COL5A2: variants seen among roughly 807,000 people sequenced by gnomAD.
COL5A2 encodes the protein collagen alpha-2(V) chain.
Under a neutral mutation model 208.2 loss-of-function variants are expected in COL5A2, and 23 were observed. The ratio of observed to expected loss-of-function variants is 0.11; its 90% CI spans 0.08 to 0.16. The LOEUF (loss-of-function observed/expected upper bound fraction) is 0.16, where lower values mean the gene tolerates loss of function less well. Ranked by LOEUF, COL5A2 falls within the 10% of genes least tolerant of loss-of-function variation. The pLI is 1.00. For missense variants in COL5A2, 1,590 were observed against 1,956.4 expected (o/e 0.81, Z 3.53); for synonymous variants, 625 against 628.5 (o/e 0.99, Z 0.08).
the COL5A2 span, among the ~76,000 whole-genome samples, chr2:189,326,405 G>C: frequency 1.3e-5 from 2 of 152,098 alleles, no homozygotes; most frequent in African/African-American, 4.8e-5. Context: ...AGACAAGAAG[G>C]TTATTTAGGT....
chr2:189,249,307 A>G, the COL5A2 span, among the ~76,000 whole-genome samples: 2 of 152,186 alleles, frequency 1.3e-5, no homozygotes, highest in Non-Finnish European at 2.9e-5. Flanking sequence ...ATTAATGAAA[A>G]GCTTAAATTC....
chr2:189,270,901 T>TTG, the COL5A2 span, among the ~76,000 whole-genome samples: 1 of 152,154 alleles, frequency 6.6e-6, no homozygotes. Flanking sequence ...GAACTCTCAT[T>TTG]CACAATTGCT....
At chr2:189,372,654 T>C in the COL5A2 span, among the ~76,000 whole-genome samples, 1 of 152,156 alleles carries the variant, frequency 6.6e-6, no homozygotes, top group African/African-American at 2.4e-5. Context: ...GAGGATTTTT[T>C]ACTTTTAATT....
chr2:189,228,235 A>G (rs757221878), upstream of COL5A2, among the ~76,000 whole-genome samples: 1 of 151,928 alleles, frequency 6.6e-6, no homozygotes, highest in African/African-American at 2.4e-5. Context: ...ACCTAATTCT[A>G]TACCTTAGGA....
At chr2:189,246,686 C>T in the COL5A2 span, among the ~76,000 whole-genome samples, 140,905 of 152,208 alleles carry the variant, frequency 0.93, 65,505 homozygotes, top group East Asian at 1. Flanking sequence ...AGTGTGAGAA[C>T]GTGGTAAAAT....
chr2:189,378,314 A>G, the COL5A2 span, among the ~76,000 whole-genome samples: 1 of 152,236 alleles, frequency 6.6e-6, no homozygotes, highest in African/African-American at 2.4e-5. Flanking sequence ...AGGTAAATAC[A>G]TAATTTGTAA....
At chr2:189,379,167 C>T in the COL5A2 span, among the ~76,000 whole-genome samples, 1 of 151,964 alleles carries the variant, frequency 6.6e-6, no homozygotes, top group Admixed American at 6.6e-5. Flanking sequence ...CTCATTCATC[C>T]CTTGAAGCCC....
chr2:189,194,113 A>G (rs1688964762), intron 1 of COL5A2, among the ~76,000 whole-genome samples: 1 of 152,192 alleles, frequency 6.6e-6, no homozygotes, highest in Non-Finnish European at 1.5e-5. Flanking sequence ...GTAAATGCCA[A>G]TAGATATAAT....
the COL5A2 span, among the ~76,000 whole-genome samples, chr2:189,241,957 A>G: frequency 7.9e-5 from 12 of 152,154 alleles, no homozygotes; most frequent in African/African-American, 2.7e-4. Flanking sequence ...CTTTGACCAC[A>G]GTGAGGGTGA....
the COL5A2 span, among the ~76,000 whole-genome samples, chr2:189,303,533 A>G: frequency 6.6e-6 from 1 of 152,198 alleles, no homozygotes; most frequent in Non-Finnish European, 1.5e-5. Context: ...CTGCTTAAAT[A>G]AGTGTTAAAG....
intron 1 of COL5A2, among the ~76,000 whole-genome samples, chr2:189,154,408 G>C (rs527726979): frequency 1.6e-4 from 25 of 152,302 alleles, no homozygotes; most frequent in African/African-American, 5.8e-4. Flanking sequence ...CATGACTCCT[G>C]CTTCTTCTTC....
chr2:189,329,722 G>A, the COL5A2 span, among the ~76,000 whole-genome samples: 1 of 152,088 alleles, frequency 6.6e-6, no homozygotes, highest in East Asian at 1.9e-4. Context: ...AGTTTAAAGT[G>A]TGTTTATCAT....
the COL5A2 span, among the ~76,000 whole-genome samples, chr2:189,363,395 T>G: frequency 2.0e-5 from 3 of 152,126 alleles, no homozygotes; most frequent in African/African-American, 7.2e-5. Context: ...TCAAATCCTT[T>G]TTTTCCATTT....
chr2:189,141,753 A>G (rs1437878145), intron 1 of COL5A2, among the ~76,000 whole-genome samples: 1 of 152,208 alleles, frequency 6.6e-6, no homozygotes, highest in Admixed American at 6.6e-5. Context: ...GACCTAAAAA[A>G]TTAAGCAAAC....
At chr2:189,139,146 A>C (rs1303737332) in intron 1 of COL5A2, among the ~76,000 whole-genome samples, 4 of 152,154 alleles carry the variant, frequency 2.6e-5, no homozygotes, top group Admixed American at 2.0e-4. Flanking sequence ...GCGGTGGCTC[A>C]CGTCTGTAAT....
the COL5A2 span, among the ~76,000 whole-genome samples, chr2:189,263,430 C>T: frequency 6.6e-6 from 1 of 152,088 alleles, no homozygotes; most frequent in Non-Finnish European, 1.5e-5. Context: ...TAGTCCCATA[C>T]GTTTATAATG....
chr2:189,213,952 T>G (rs1689247553), intron 1 of COL5A2, among the ~76,000 whole-genome samples: 1 of 152,224 alleles, frequency 6.6e-6, no homozygotes, highest in African/African-American at 2.4e-5. Flanking sequence ...CATATACACA[T>G]ATACATATAT....
rs114102476 is a variant in COL5A2, at chr2:189,179,638, G to C, written c.-34C>G. 6.3e-7 allele frequency: 1 copy of C among 1,575,714 alleles called. No individual in the cohort carries two copies. The highest frequency in any genetic ancestry group is 1.8e-5 in the Admixed American group (1 of 55,670). On this transcript the variant is annotated 5_prime_UTR_variant, in exon 1 of 54. Transcript: ENST00000374866. ...ATTAGACATGTGGGTTCTCCTGAGA[G>C]TGAAAAGTAGATTCTGAGGTTATTG...
the COL5A2 span, among the ~76,000 whole-genome samples, chr2:189,434,847 A>C: frequency 6.6e-6 from 1 of 152,196 alleles, no homozygotes; most frequent in African/African-American, 2.4e-5. Context: ...ATATGGAACC[A>C]AAAAAGAGCC....
Sources: allele counts gnomAD v4.1 joint callset (sites outside exome capture counted in the v4.1 genomes callset), GRCh38; gene constraint gnomAD v4.1.1; transcripts MANE v1.5; gene names NCBI Gene and HGNC (gene_info 2026-07-23, HGNC 2026-07-21).